Variants in DNAH1 observed in about 807,000 individuals in gnomAD.
DNAH1 encodes axonemal beta dynein heavy chain 1.
Under a neutral mutation model 484.3 loss-of-function variants are expected in DNAH1, and 327 were observed. The ratio of observed to expected loss-of-function variants is 0.68; its 90% confidence interval spans 0.62 to 0.74. DNAH1 has a LOEUF of 0.74. Ranked by LOEUF, DNAH1 falls within the 30% of genes least tolerant of loss-of-function variation. The probability of loss-of-function intolerance (pLI) is 0.00; values close to 1 mark genes in which losing one functional copy is unlikely to be tolerated. For missense variants in DNAH1, 5,052 were observed against 5,546.8 expected (o/e 0.91, Z 2.83); for synonymous variants, 2,192 against 2,191.9 (o/e 1.00, Z 0.00).
intron 6 of DNAH1, among the ~76,000 whole-genome samples, chr3:52,328,575 C>T (rs895899424): frequency 1.3e-5 from 2 of 152,260 alleles, no homozygotes; most frequent in African/African-American, 4.8e-5. Flanking sequence ...TCACACCTCA[C>T]CATGCCCACT....
At chr3:52,388,647 C>T (rs773703063) in intron 58 of DNAH1, 38 bp downstream of exon 58, 23 of 1,611,204 alleles carry the variant, frequency 1.4e-5, no homozygotes, top group East Asian at 2.2e-5. Context: ...CAAGCGGGCC[C>T]GGCCCAGACA....
Position 52,358,953 on chromosome 3 carries a change from T to G in DNAH1, c.4266+216T>G, listed in dbSNP as rs971244721. Reference sequence around the variant, plus strand: ...GGCTGTTCTGGTTCCCAGCACTCACTGGGTGCCAGGCTCCAGGCTGGGCCC... The same window carrying G: ...GGCTGTTCTGGTTCCCAGCACTCACGGGGTGCCAGGCTCCAGGCTGGGCCC... On this transcript the variant is annotated intron_variant, in intron 25 of 77. Transcript: ENST00000420323. This position sits in a 1 kb window ranked among gnomAD's most constrained non-coding sequence, Gnocchi z 4.2. Among the ~76,000 whole-genome samples, 4 of 152,152 alleles carry G rather than the reference T, an allele frequency of 2.6e-5. No individual in the cohort carries two copies. The highest frequency in any genetic ancestry group is 4.4e-5 in the Non-Finnish European group (3 of 68,032).
intron 6 of DNAH1, among the ~76,000 whole-genome samples, chr3:52,328,356 T>C (rs894785615): frequency 6.6e-6 from 1 of 152,188 alleles, no homozygotes. Flanking sequence ...AGAAGCCCCA[T>C]TGTTGCAGCT....
intron 1 of DNAH1, among the ~76,000 whole-genome samples, chr3:52,321,335 C>T (rs546626068): frequency 6.8e-4 from 104 of 152,282 alleles, no homozygotes; most frequent in African/African-American, 2.4e-3. Context: ...AGGCTGGTCT[C>T]AAACTCCTGA....
Position 52,381,401 on chromosome 3 carries a change from C to G in DNAH1, c.7609-239C>G, listed in dbSNP as rs1703837071. Among the ~76,000 whole-genome samples the G allele has an allele frequency of 6.6e-6, 1 of 152,222 alleles. No homozygotes were observed. The highest frequency in any genetic ancestry group is 2.1e-4 in the South Asian group (1 of 4,826). On this transcript the variant is annotated intron_variant, in intron 48 of 77. Transcript: ENST00000420323. This position sits in a 1 kb window ranked among gnomAD's most constrained non-coding sequence, Gnocchi z 4.1. Reference sequence around the variant, plus strand: ...GTGCTGGGATTACAGGCGTGAGCCACCGCGCTAGGCCAATCCCTCAGTGTT... The same window carrying G: ...GTGCTGGGATTACAGGCGTGAGCCAGCGCGCTAGGCCAATCCCTCAGTGTT...
chr3:52,365,146 C>T (rs1162750113), intron 34 of DNAH1, 127 bp downstream of exon 34: 6 of 1,307,356 alleles, frequency 4.6e-6, no homozygotes, highest in Non-Finnish European at 6.1e-6. Flanking sequence ...GTGCTGCAGG[C>T]CCGGGCTCTC....
Position 52,357,719 on chromosome 3 carries a change from A to C in DNAH1, c.3964A>C (p.Arg1322=), listed in dbSNP as rs11714402. The C allele has an allele frequency of 0.17, 271,609 of 1,579,880 alleles. 24,980 individuals carry two copies. The highest frequency in any genetic ancestry group is 0.26 in the African/African-American group (19,512 of 74,178). The change falls in exon 23 of 78, where the codon AGG becomes CGG. Residue 1322 remains arginine, a synonymous_variant. Transcript: ENST00000420323. ...CCTCAGCGAGTATCTGGAGACCAAG[A>C]GGAGCGCCTTCCCCAGGTGGGCGCC... is the stretch of plus-strand genomic sequence containing the variant. The part of the protein sequence containing the change: ...KGLSEYLETK[R]SAFPRFYFLS...
chr3:52,346,337 G>T, intron 10 of DNAH1, 135 bp from the exon 11 acceptor site: 1 of 917,464 alleles, frequency 1.1e-6, no homozygotes, highest in Non-Finnish European at 1.6e-6. Flanking sequence ...GCAGTAAGTT[G>T]GGGTAGGGGA....
In DNAH1 at chr3:52,395,569, T is replaced by G; in HGVS notation, c.11150T>G (p.Met3717Arg). ...QGQGPRAEAM[M>R]RSSIERGKWV... The stretch of plus-strand genomic sequence containing the variant: ...CAGGGCCCTCGGGCAGAAGCCATGA[T>G]GCGCAGCTCCATAGAGAGGGGCAAA... The change falls in exon 70 of 78, where the codon ATG becomes AGG. Residue 3717 changes from methionine to arginine, a missense_variant. Met to Arg is a moderately conservative substitution (Grantham distance 91). Coordinates refer to ENST00000420323, the MANE Select transcript of DNAH1 (RefSeq NM_015512.5). This position sits in a 1 kb window ranked among gnomAD's most constrained non-coding sequence, Gnocchi z 4.4. 6.2e-7 allele frequency: 1 copy of G among 1,613,740 alleles called. No homozygotes were observed. Among genetic ancestry groups the G allele is most frequent in the Non-Finnish European group, 8.5e-7 (1 of 1,179,890 alleles).
chr3:52,391,359 A>ACCT (rs1275443134), intron 62 of DNAH1, 31 bp downstream of exon 62: 4 of 1,597,674 alleles, frequency 2.5e-6, no homozygotes, highest in Non-Finnish European at 3.4e-6. Flanking sequence ...GCAGGGTGGC[A>ACCT]GTAGGCCTGG....
Position 52,389,474 on chromosome 3 carries a change from C to T in DNAH1, c.9509C>T (p.Thr3170Met), listed in dbSNP as rs759881712. Reference sequence around the variant, plus strand: ...GCATCTCCCCAGGGCCAGTACCGCACGGTGCTCTACGACAGCTGGGTCAAG... The same window carrying T: ...GCATCTCCCCAGGGCCAGTACCGCATGGTGCTCTACGACAGCTGGGTCAAG... Reference protein sequence around the residue: ...YLGPFTGQYRTVLYDSWVKQL... With the variant: ...YLGPFTGQYRMVLYDSWVKQL... The change falls in exon 60 of 78, where the codon ACG becomes ATG. Residue 3170 changes from threonine (T) to methionine (M), a missense_variant. Physicochemically the swap from Thr to Met is moderately conservative, Grantham distance 81. Transcript: ENST00000420323. 1.2e-5 allele frequency: 20 copies of T among 1,609,782 alleles called. No homozygotes were observed. The highest frequency in any genetic ancestry group is 1.7e-4 in the Middle Eastern group (1 of 5,886).
At chr3:52,323,616 T>C (rs2153222902) in intron 2 of DNAH1, among the ~76,000 whole-genome samples, 192 bp from the exon 3 acceptor site, 1 of 152,240 alleles carries the variant, frequency 6.6e-6, no homozygotes, top group East Asian at 1.9e-4. Flanking sequence ...AAGTCCTGGG[T>C]AGCCACAGCT....
chr3:52,395,540 C>A lies in DNAH1; in HGVS notation c.11128-7C>A. The stretch of plus-strand genomic sequence containing the variant: ...TGGCCCCCTGCTCAGTGCTCTTGCC[C>A]CTGCAGGGCCCTCGGGCAGAAGCCA... On this transcript the variant is annotated splice_region_variant and splice_polypyrimidine_tract_variant and intron_variant, in intron 69 of 77. Coordinates refer to ENST00000420323, the MANE Select transcript of DNAH1 (RefSeq NM_015512.5). The surrounding 1 kb of genome is among the most constrained non-coding windows in gnomAD (Gnocchi z 4.4). The A allele has an allele frequency of 6.2e-7, 1 of 1,613,502 alleles. No homozygotes were observed. Among genetic ancestry groups the A allele is most frequent in the South Asian group, 1.1e-5 (1 of 91,090 alleles).
chr3:52,352,844 C>A (rs953338769), intron 18 of DNAH1, 137 bp downstream of exon 18: 7 of 1,350,210 alleles, frequency 5.2e-6, no homozygotes, highest in Non-Finnish European at 6.9e-6. Flanking sequence ...ATAGCCCAAC[C>A]CTGGCCCTCA....
chr3:52,394,788 C>G (rs538601787), intron 67 of DNAH1, 127 bp downstream of exon 67: 1 of 1,488,342 alleles, frequency 6.7e-7, no homozygotes, highest in African/African-American at 1.4e-5. Context: ...CACATCTCCT[C>G]TGTGCCTCCA....
intron 46 of DNAH1, among the ~76,000 whole-genome samples, 160 bp downstream of exon 46, chr3:52,376,153 G>T (rs952965487): frequency 1.3e-5 from 2 of 152,164 alleles, no homozygotes; most frequent in Non-Finnish European, 2.9e-5. Flanking sequence ...GTTGACACAG[G>T]CACTGGCTGC....
chr3:52,366,264 C>T (rs1437041122), intron 34 of DNAH1, among the ~76,000 whole-genome samples, 193 bp from the exon 35 acceptor site: 3 of 152,226 alleles, frequency 2.0e-5, no homozygotes, highest in African/African-American at 7.2e-5. Flanking sequence ...AGAGTTTCTA[C>T]TCTGCCAAGT....
chr3:52,358,596 C>T lies in DNAH1; in HGVS notation c.4125C>T (p.Tyr1375=). The change falls in exon 25 of 78, where the codon TAC becomes TAT. Residue 1375 remains tyrosine, a synonymous_variant. Transcript: ENST00000420323. This position sits in a 1 kb window ranked among gnomAD's most constrained non-coding sequence, Gnocchi z 4.2. ...FQEDLEITHM[Y]SAEGEEVQLC... The stretch of plus-strand genomic sequence containing the variant: ...AGGACCTGGAGATCACGCACATGTA[C>T]TCAGCCGAGGGGGAGGAGGTACAGT... The T allele has an allele frequency of 1.2e-6, 2 of 1,612,872 alleles. No individual in the cohort carries two copies. The highest frequency in any genetic ancestry group is 1.7e-6 in the Non-Finnish European group (2 of 1,179,590).
In DNAH1 at chr3:52,396,629, C is replaced by T. The variant is rs548258692; in HGVS notation, c.11442C>T (p.Phe3814=). ...FLNSCHKVME[F]KSLLLSLCLF... ...CCCACCTCCCCCAGGTGATGGAGTTCAAGTCTCTGCTGCTGTCTCTGTGCT... is the reference window on the plus strand; with the variant it reads ...CCCACCTCCCCCAGGTGATGGAGTTTAAGTCTCTGCTGCTGTCTCTGTGCT... The change falls in exon 72 of 78, where the codon TTC becomes TTT. Residue 3814 remains phenylalanine (F), a synonymous_variant. Coordinates refer to ENST00000420323, the MANE Select transcript of DNAH1 (RefSeq NM_015512.5). 11 of 1,612,984 alleles carry T rather than the reference C, an allele frequency of 6.8e-6. 1 individual carries two copies. The South Asian group carries it at 1.2e-4, about 18-fold the overall frequency.
Sources: gnomAD v4.1 joint callset for allele counts (sites outside exome capture counted in the v4.1 genomes callset) on GRCh38, gnomAD v4.1.1 for gene constraint, Gnocchi (gnomAD v3.1) non-coding constraint, MANE v1.5 for transcripts, NCBI Gene and HGNC (gene_info 2026-07-23, HGNC 2026-07-21) for gene names.